ABCA5: variants seen among roughly 807,000 people sequenced by gnomAD.
ABCA5 encodes cholesterol transporter ABCA5.
ABCA5 carries 163 observed loss-of-function variants against 206.0 expected under a neutral mutation model. That is an observed-to-expected ratio of 0.79 (90% confidence interval 0.70 to 0.90). ABCA5 has a LOEUF of 0.90. Ranked by LOEUF, ABCA5 falls within the 40% of genes least tolerant of loss-of-function variation. The pLI is 0.00. For synonymous variants in ABCA5, 609 were observed against 613.8 expected (o/e 0.99, Z 0.11); for missense variants, 1,859 against 1,912.9 (o/e 0.97, Z 0.53).
At chr17:69,271,462 TAA>T (rs1321674549) in intron 20 of ABCA5, among the ~76,000 whole-genome samples, 173 bp from the exon 21 acceptor site, 2 of 152,248 alleles carry the variant, frequency 1.3e-5, no homozygotes, top group Non-Finnish European at 2.9e-5. Context: ...GTTGTAACAT[TAA>T]ACTATTCGTC....
In ABCA5 at chr17:69,326,824, C is replaced by T. The variant is rs1344315695; in HGVS notation, c.-16+228G>A. Among the ~76,000 whole-genome samples the T allele has an allele frequency of 6.6e-6, 1 of 152,062 alleles. No individual in the cohort carries two copies. The highest frequency in any genetic ancestry group is 1.5e-5 in the Non-Finnish European group (1 of 67,982). ...ATCCTGGGCGCTCCCACCGCATCCCCGAGGCTGGCAACCCGCGCTTCCCGG... is the reference window on the plus strand; with the variant it reads ...ATCCTGGGCGCTCCCACCGCATCCCTGAGGCTGGCAACCCGCGCTTCCCGG... On this transcript the variant is annotated intron_variant, in intron 1 of 38. Transcript: ENST00000392676. The surrounding 1 kb of genome is among the most constrained non-coding windows in gnomAD (Gnocchi z 4.8).
At chr17:69,320,071 C>T (rs2075850310) in intron 1 of ABCA5, among the ~76,000 whole-genome samples, 2 of 152,114 alleles carry the variant, frequency 1.3e-5, no homozygotes, top group East Asian at 1.9e-4. Context: ...AGAATTAATA[C>T]ATGAAAAGCT....
intron 5 of ABCA5, among the ~76,000 whole-genome samples, chr17:69,307,546 T>C (rs536354399): frequency 2.0e-5 from 3 of 152,174 alleles, no homozygotes; most frequent in African/African-American, 7.2e-5. Flanking sequence ...TACAAATAGG[T>C]GATACAACAT....
intron 8 of ABCA5, among the ~76,000 whole-genome samples, chr17:69,302,303 T>C (rs970960762): frequency 4.6e-5 from 7 of 152,198 alleles, no homozygotes; most frequent in African/African-American, 1.7e-4. Context: ...GGCCTACTTA[T>C]TCCACCACTA....
rs1476630391 is a variant in ABCA5 at position 69,287,640 on chromosome 17, A to C, written c.2014T>G (p.Phe672Val). Residue 672 changes from phenylalanine (F) to valine (V), a missense_variant, in exon 15 of 39, where the codon TTC becomes GTC. Coordinates refer to ENST00000392676, the MANE Select transcript of ABCA5 (RefSeq NM_172232.4). ...GCAAGAATGTCAGCTTCATCCATGA[A>C]ATGAGTACTGAACACTGTCACCCGA... ...ANRVTVFSTH[F>V]MDEADILADR... 2 of 1,612,764 alleles carry C rather than the reference A, an allele frequency of 1.2e-6. No individual in the cohort carries two copies. Among genetic ancestry groups the C allele is most frequent in the Admixed American group, 1.7e-5 (1 of 59,744 alleles).
chr17:69,305,509 G>T (rs1238377149), intron 6 of ABCA5, among the ~76,000 whole-genome samples: 1 of 152,152 alleles, frequency 6.6e-6, no homozygotes, highest in African/African-American at 2.4e-5. Flanking sequence ...CTGAGAGAAT[G>T]ATTTGCCTAA....
intron 28 of ABCA5, among the ~76,000 whole-genome samples, chr17:69,257,380 G>A (rs979498540): frequency 2.0e-5 from 3 of 151,116 alleles, no homozygotes; most frequent in South Asian, 2.1e-4. Context: ...AGAAAAATGT[G>A]TAAGGAGAAC....
chr17:69,260,255 T>C, intron 27 of ABCA5, 83 bp downstream of exon 27: 1 of 1,057,814 alleles, frequency 9.5e-7, no homozygotes, highest in Non-Finnish European at 1.4e-6. Context: ...TGCAACAGGA[T>C]AAAAAACTAA....
intron 21 of ABCA5, 116 bp from the exon 22 acceptor site, chr17:69,270,866 C>A (rs1411201336): frequency 3.1e-6 from 3 of 959,828 alleles, no homozygotes; most frequent in Non-Finnish European, 4.4e-6. Flanking sequence ...ACTGCTTCAA[C>A]AACTCACAGA....
intron 20 of ABCA5, among the ~76,000 whole-genome samples, chr17:69,271,665 C>G (rs1250436997): frequency 6.6e-6 from 1 of 151,852 alleles, no homozygotes; most frequent in African/African-American, 2.4e-5. Context: ...GCTGCCACCA[C>G]TGCTGCTGCT....
rs894240064 is a variant in ABCA5, at chr17:69,324,937, C to T, written c.-16+2115G>A. On this transcript the variant is annotated intron_variant, in intron 1 of 38. Transcript: ENST00000392676. The stretch of plus-strand genomic sequence containing the variant: ...CTCAATCAATGAAATAAAAGCACTA[C>T]AAAATATGCCTTTTAGCTTAAAAAG... Among the ~76,000 whole-genome samples the T allele has an allele frequency of 4.6e-5, 7 of 152,270 alleles. No individual in the cohort carries two copies. In the East Asian group the frequency reaches 1.2e-3, roughly 25 times the overall value.
chr17:69,248,312 G>A lies in ABCA5; in HGVS notation c.4771C>T (p.His1591Tyr), dbSNP rs749666297. ...QSFFKLEEAKHAFAIEEYSFS... is the reference protein window; with the variant it reads ...QSFFKLEEAKYAFAIEEYSFS... Reference sequence around the variant, plus strand: ...CTATATTCTTCAATGGCAAAAGCATGTTTAGCTATTAAAATATAAAAATAG... The same window carrying A: ...CTATATTCTTCAATGGCAAAAGCATATTTAGCTATTAAAATATAAAAATAG... Residue 1591 changes from histidine (H) to tyrosine (Y), a missense_variant, in exon 38 of 39, where the codon CAT becomes TAT. Coordinates refer to ENST00000392676, the MANE Select transcript of ABCA5 (RefSeq NM_172232.4). The A allele has an allele frequency of 1.3e-6, 2 of 1,555,824 alleles. No homozygotes were observed. Among genetic ancestry groups the A allele is most frequent in the Admixed American group, 3.4e-5 (2 of 58,512 alleles).
chr17:69,300,655 C>T (rs2075642712), intron 9 of ABCA5, among the ~76,000 whole-genome samples: 1 of 151,938 alleles, frequency 6.6e-6, no homozygotes, highest in South Asian at 2.1e-4. Flanking sequence ...TAGTAGTTAC[C>T]ATACAGGACA....
intron 6 of ABCA5, among the ~76,000 whole-genome samples, chr17:69,305,837 C>G (rs1032955859): frequency 6.6e-6 from 1 of 152,154 alleles, no homozygotes; most frequent in African/African-American, 2.4e-5. Context: ...TGCCACTATA[C>G]TCCAGCCTAG....
In ABCA5 at chr17:69,308,308, T is replaced by G. The variant is rs1385049159; in HGVS notation, c.530A>C (p.Gln177Pro). 2 of 1,611,316 alleles carry G rather than the reference T, an allele frequency of 1.2e-6. No individual in the cohort carries two copies. Among genetic ancestry groups the G allele is most frequent in the African/African-American group, 2.7e-5 (2 of 74,842 alleles). Residue 177 changes from glutamine (Q) to proline (P), a missense_variant, in exon 5 of 39, where the codon CAA becomes CCA. Physicochemically the swap from Gln to Pro is moderately conservative, Grantham distance 76. Transcript: ENST00000392676. ...TATAATGGCAGCATCTATGGATGCT[T>G]GTAAAACTGTGAAACCTGAGGACCA... ...QYWSSGFTVL[Q>P]ASIDAAIIQL...
At position 69,314,388 on chromosome 17, in the gene ABCA5, C is replaced by A; in HGVS notation, c.28G>T (p.Val10Phe). The change falls in exon 2 of 39, where the codon GTT becomes TTT. Residue 10 changes from valine to phenylalanine, a missense_variant. Physicochemically the swap from Val to Phe is conservative, Grantham distance 50 (BLOSUM62 -1). Coordinates refer to ENST00000392676, the MANE Select transcript of ABCA5 (RefSeq NM_172232.4). Reference sequence around the variant, plus strand: ...AGAAGTGTTCTGGTCTGTCTCCAAACTCCTACCTCCCTAATTGCAGTGGAC... The same window carrying A: ...AGAAGTGTTCTGGTCTGTCTCCAAAATCCTACCTCCCTAATTGCAGTGGAC... MSTAIREVG[V>F]WRQTRTLLLK... is the part of the protein sequence containing the mutation. 3.7e-6 allele frequency: 6 copies of A among 1,613,236 alleles called. No homozygotes were observed. The highest frequency in any genetic ancestry group is 1.7e-5 in the Admixed American group (1 of 59,946).
intron 4 of ABCA5, 53 bp from the exon 5 acceptor site, chr17:69,308,421 C>G (rs1447958708): frequency 8.1e-7 from 1 of 1,228,480 alleles, no homozygotes; most frequent in Admixed American, 1.8e-5. Flanking sequence ...GCAAGTGCAT[C>G]GTTTTAAAGA....
chr17:69,245,118 T>A lies in ABCA5; in HGVS notation c.*2419A>T, dbSNP rs917325979. On this transcript the variant is annotated 3_prime_UTR_variant, in exon 39 of 39. Transcript: ENST00000392676. Reference sequence around the variant, plus strand: ...CAAAATACTGACCTAAGATAATTTGTGCAAATTTAAAAGAAAAAAATTATT... The same window carrying A: ...CAAAATACTGACCTAAGATAATTTGAGCAAATTTAAAAGAAAAAAATTATT... The A allele has an allele frequency of 3.3e-5, 5 of 151,552 alleles. No homozygotes were observed. In the East Asian group the frequency reaches 9.7e-4, roughly 29 times the overall value. 9.4% of individuals were successfully genotyped at this position (151,552 alleles called of 1,614,324 possible). A position where few individuals can be genotyped will look rare whatever the true frequency, so the allele number is the denominator to read the frequency against.
intron 22 of ABCA5, among the ~76,000 whole-genome samples, chr17:69,270,286 C>G (rs1237967780): frequency 6.6e-6 from 1 of 151,910 alleles, no homozygotes; most frequent in Non-Finnish European, 1.5e-5. Context: ...GGTGACTTCT[C>G]AAGTTTTTTT....
Sources: gnomAD v4.1 joint callset for allele counts (sites outside exome capture counted in the v4.1 genomes callset) on GRCh38, gnomAD v4.1.1 for gene constraint, Gnocchi (gnomAD v3.1) non-coding constraint, MANE v1.5 for transcripts, NCBI Gene and HGNC (gene_info 2026-07-23, HGNC 2026-07-21) for gene names.